Variants in SOD1 observed in about 807,000 individuals in gnomAD.
SOD1 encodes superoxide dismutase 1.
SOD1 carries 8 observed loss-of-function variants against 15.9 expected under a neutral mutation model. The observed-to-expected ratio is 0.50, with a 90% confidence interval of 0.30 to 0.91. The LOEUF (loss-of-function observed/expected upper bound fraction) is 0.91, where lower values mean the gene tolerates loss of function less well. Ranked by LOEUF, SOD1 falls within the 40% of genes least tolerant of loss-of-function variation. The pLI, the probability that SOD1 is intolerant of heterozygous loss-of-function variation, is 0.07. For missense variants in SOD1, 137 were observed against 194.5 expected, an observed-to-expected ratio of 0.70 and a Z score of 1.76; for synonymous variants, 86 against 71.2, an observed-to-expected ratio of 1.21 and a Z score of -1.04.
intron 1 of SOD1, among the ~76,000 whole-genome samples, chr21:31,663,293 T>C (rs1034907409): frequency 6.6e-6 from 1 of 151,800 alleles, no homozygotes; most frequent in Non-Finnish European, 1.5e-5. Flanking sequence ...TGAGCTGAGA[T>C]CATGCCACTG....
intron 1 of SOD1, among the ~76,000 whole-genome samples, chr21:31,662,481 T>G (rs754530597): frequency 1.3e-5 from 2 of 152,240 alleles, no homozygotes; most frequent in Non-Finnish European, 2.9e-5. Flanking sequence ...ATGTTGTGTT[T>G]ATTTTAGTCC....
At chr21:31,660,042 G>A (rs2049534346) in intron 1 of SOD1, 1 of 331,262 alleles carries the variant, frequency 3.0e-6, no homozygotes, top group Non-Finnish European at 5.3e-6. Flanking sequence ...GGGCCCGGGC[G>A]CGGGGCGTGG....
At chr21:31,664,563 G>A (rs1658106938) in intron 2 of SOD1, 1 of 153,918 alleles carries the variant, frequency 6.5e-6, no homozygotes, top group African/African-American at 2.4e-5. Flanking sequence ...GTGTGGAAAA[G>A]AAAGGGAAAG....
chr21:31,668,710 A>G lies in SOD1; in HGVS notation c.*132A>G. The G allele has an allele frequency of 1.4e-6, 1 of 736,412 alleles. No individual in the cohort carries two copies. Among genetic ancestry groups the G allele is most frequent in the Non-Finnish European group, 2.4e-6 (1 of 412,960 alleles). 45.6% of individuals were successfully genotyped at this position (736,412 alleles called of 1,614,324 possible). A position where few individuals can be genotyped will look rare whatever the true frequency, so the allele number is the denominator to read the frequency against. The stretch of plus-strand genomic sequence containing the variant: ...TGTGTGACTTTTTCAGAGTTGCTTT[A>G]AAGTACCTGTAGTGAGAAACTGATT... On this transcript the variant is annotated 3_prime_UTR_variant, in exon 5 of 5. Transcript: ENST00000270142.
At chr21:31,663,417 A>G (rs185246457) in intron 1 of SOD1, among the ~76,000 whole-genome samples, 6 of 152,352 alleles carry the variant, frequency 3.9e-5, no homozygotes, top group Non-Finnish European at 7.3e-5. Flanking sequence ...TTACTACATA[A>G]ATAGGTACTT....
At position 31,667,286 on chromosome 21, in the gene SOD1, G is replaced by A. The variant is rs1568810660; in HGVS notation, c.268G>A (p.Ala90Thr). The A allele has an allele frequency of 6.2e-7, 1 of 1,614,110 alleles. No homozygotes were observed. Among genetic ancestry groups the A allele is most frequent in the Non-Finnish European group, 8.5e-7 (1 of 1,179,962 alleles). ...RHVGDLGNVT[A>T]DKDGVADVSI... Reference sequence around the variant, plus strand: ...TGTTGGAGACTTGGGCAATGTGACTGCTGACAAAGATGGTGTGGCCGATGT... The same window carrying A: ...TGTTGGAGACTTGGGCAATGTGACTACTGACAAAGATGGTGTGGCCGATGT... The change falls in exon 4 of 5, where the codon GCT becomes ACT. Residue 90 changes from alanine (A) to threonine (T), a missense_variant. Ala to Thr is a moderately conservative substitution (Grantham distance 58, BLOSUM62 0). Transcript: ENST00000270142.
At chr21:31,663,027 A>C (rs1048802685) in intron 1 of SOD1, among the ~76,000 whole-genome samples, 1 of 145,298 alleles carries the variant, frequency 6.9e-6, no homozygotes, top group African/African-American at 2.5e-5. Flanking sequence ...AAAAAAAAGA[A>C]AAAAACTTAT....
At position 31,665,033 on chromosome 21, in the gene SOD1, C is replaced by G. The variant is rs76067554; in HGVS notation, c.169+1147C>G. On this transcript the variant is annotated intron_variant, in intron 2 of 4. Coordinates refer to ENST00000270142, the MANE Select transcript of SOD1 (RefSeq NM_000454.5). The stretch of plus-strand genomic sequence containing the variant: ...AGGGTGGGTGCCTCGAGCAAAGGGG[C>G]TGCATTTATTTGCATAATGCCATGT... 5.9e-4 allele frequency among the ~76,000 whole-genome samples: 90 copies of G among 152,222 alleles called. No homozygotes were observed. In the East Asian group the frequency reaches 0.015, roughly 26 times the overall value.
chr21:31,667,098 G>T (rs1317651571), intron 3 of SOD1, 160 bp from the exon 4 acceptor site: 3 of 675,498 alleles, frequency 4.4e-6, no homozygotes, highest in Non-Finnish European at 8.1e-6. Context: ...CAGAGCATTA[G>T]TGTGTAGACG....
At chr21:31,665,574 G>A (rs1222758099) in intron 2 of SOD1, among the ~76,000 whole-genome samples, 1 of 152,162 alleles carries the variant, frequency 6.6e-6, no homozygotes, top group Non-Finnish European at 1.5e-5. Context: ...GAAGACAGCC[G>A]TGTTATGAAA....
At chr21:31,664,947 G>A (rs1441733705) in intron 2 of SOD1, among the ~76,000 whole-genome samples, 1 of 152,116 alleles carries the variant, frequency 6.6e-6, no homozygotes, top group Non-Finnish European at 1.5e-5. Context: ...AAGGCAAATA[G>A]GAAATAAAAA....
chr21:31,666,389 A>G, intron 2 of SOD1, 60 bp from the exon 3 acceptor site: 2 of 1,305,858 alleles, frequency 1.5e-6, no homozygotes, highest in Non-Finnish European at 2.2e-6. Context: ...GTTTCTTTTT[A>G]GAATGTATTT....
intron 2 of SOD1, among the ~76,000 whole-genome samples, chr21:31,664,971 C>G (rs984973299): frequency 1.8e-4 from 28 of 152,094 alleles, no homozygotes; most frequent in Admixed American, 1.8e-3. Context: ...GGGCTCTTAA[C>G]TTTTGTAATG....
At chr21:31,660,226 T>C (rs2049536624) in intron 1 of SOD1, 1 of 152,708 alleles carries the variant, frequency 6.5e-6, no homozygotes, top group East Asian at 1.9e-4. Context: ...GGCCGTGTTC[T>C]CGTTCCTGAG....
chr21:31,668,606 C>T lies in SOD1; in HGVS notation c.*28C>T. 6.9e-7 allele frequency: 1 copy of T among 1,458,956 alleles called. No individual in the cohort carries two copies. The highest frequency in any genetic ancestry group is 9.6e-7 in the Non-Finnish European group (1 of 1,038,230). 90.4% of individuals were successfully genotyped at this position (1,458,956 alleles called of 1,614,324 possible). Reference sequence around the variant, plus strand: ...ATTCCCTTGGATGTAGTCTGAGGCCCCTTAACTCATCTGTTATCCTGCTAG... The same window carrying T: ...ATTCCCTTGGATGTAGTCTGAGGCCTCTTAACTCATCTGTTATCCTGCTAG... On this transcript the variant is annotated 3_prime_UTR_variant, in exon 5 of 5. Transcript: ENST00000270142.
intron 2 of SOD1, 56 bp from the exon 3 acceptor site, chr21:31,666,393 T>A: frequency 4.5e-6 from 6 of 1,326,274 alleles, no homozygotes; most frequent in Non-Finnish European, 6.4e-6. Flanking sequence ...CTTTTTAGAA[T>A]GTATTTGGGA....
Position 31,663,766 on chromosome 21 carries a change from T to C in SOD1, c.73-24T>C, listed in dbSNP as rs765242312. 3.8e-6 allele frequency: 6 copies of C among 1,558,510 alleles called. No homozygotes were observed. The South Asian group carries it at 6.7e-5, about 17-fold the overall frequency. Reference sequence around the variant, plus strand: ...CTGTTTTCTTTGTTCAGAAACTCTCTCCAACTTTGCACTTTTCTTAAAGGA... The same window carrying C: ...CTGTTTTCTTTGTTCAGAAACTCTCCCCAACTTTGCACTTTTCTTAAAGGA... On this transcript the variant is annotated intron_variant, in intron 1 of 4. Coordinates refer to ENST00000270142, the MANE Select transcript of SOD1 (RefSeq NM_000454.5).
At chr21:31,668,214 CAT>C (rs991494824) in intron 4 of SOD1, among the ~76,000 whole-genome samples, 11 of 152,004 alleles carry the variant, frequency 7.2e-5, no homozygotes, top group African/African-American at 2.4e-4. Context: ...TGGTCTACAA[CAT>C]AGTTATTTGG....
chr21:31,663,529 T>C (rs887594796), intron 1 of SOD1, among the ~76,000 whole-genome samples: 1 of 152,236 alleles, frequency 6.6e-6, no homozygotes, highest in Non-Finnish European at 1.5e-5. Context: ...TTTTATGTTA[T>C]TTAATCATGA....
Sources: gnomAD v4.1 joint callset for allele counts (sites outside exome capture counted in the v4.1 genomes callset) on GRCh38, gnomAD v4.1.1 for gene constraint, MANE v1.5 for transcripts, NCBI Gene and HGNC (gene_info 2026-07-23, HGNC 2026-07-21) for gene names.